PAFAH1B1: variants seen among roughly 807,000 people sequenced by gnomAD.
PAFAH1B1 encodes the protein platelet-activating factor acetylhydrolase IB subunit beta.
In PAFAH1B1, 2 loss-of-function variants were observed where a neutral mutation model predicts 57.5. The observed-to-expected ratio is 0.03, with a 90% CI of 0.01 to 0.11. The LOEUF (loss-of-function observed/expected upper bound fraction) is 0.11. PAFAH1B1 is among the 10% of genes least tolerant of loss of function. PAFAH1B1 has a pLI of 1.00. For missense variants in PAFAH1B1, 257 were observed against 512.0 expected (o/e 0.50, Z 4.81); for synonymous variants, 152 against 169.6 (o/e 0.90, Z 0.81).
chr17:2,596,643 C>G (rs1001153842), intron 1 of PAFAH1B1, among the ~76,000 whole-genome samples: 3 of 151,986 alleles, frequency 2.0e-5, no homozygotes, highest in African/African-American at 7.3e-5. Context: ...CACTTTTGTT[C>G]TTTTTAATAT....
intron 1 of PAFAH1B1, chr17:2,635,444 G>C (rs1172412177): frequency 6.6e-6 from 1 of 152,114 alleles, no homozygotes; most frequent in Non-Finnish European, 1.5e-5. Flanking sequence ...GTTCACTGCA[G>C]CCTTGACCTC....
chr17:2,594,938 C>T (rs867886623), intron 1 of PAFAH1B1, among the ~76,000 whole-genome samples: 7 of 152,254 alleles, frequency 4.6e-5, no homozygotes, highest in Middle Eastern at 6.8e-3. Flanking sequence ...AGAGGTTTTC[C>T]GTATTTAGTA....
At chr17:2,625,613 T>A (rs949059707) in intron 1 of PAFAH1B1, among the ~76,000 whole-genome samples, 3 of 152,186 alleles carry the variant, frequency 2.0e-5, no homozygotes, top group African/African-American at 4.8e-5. Flanking sequence ...CTTTAAAAAA[T>A]GTTTACTCCA....
intron 1 of PAFAH1B1, among the ~76,000 whole-genome samples, chr17:2,634,754 T>A (rs578090783): frequency 1.6e-4 from 24 of 152,332 alleles, no homozygotes; most frequent in African/African-American, 5.1e-4. Context: ...CCTGTTTGCT[T>A]GCTCAGCTTC....
At chr17:2,648,277 G>A (rs1344769765) in intron 2 of PAFAH1B1, among the ~76,000 whole-genome samples, 3 of 152,168 alleles carry the variant, frequency 2.0e-5, no homozygotes, top group Non-Finnish European at 2.9e-5. Context: ...CCCACCACAC[G>A]TGGGGATTAT....
intron 9 of PAFAH1B1, among the ~76,000 whole-genome samples, chr17:2,677,902 G>A (rs1417103784): frequency 6.6e-6 from 1 of 152,060 alleles, no homozygotes; most frequent in Admixed American, 6.6e-5. Flanking sequence ...CTCTCCTCTA[G>A]TAGTATTCTG....
At chr17:2,619,884 T>C (rs1383025803) in intron 1 of PAFAH1B1, among the ~76,000 whole-genome samples, 1 of 152,134 alleles carries the variant, frequency 6.6e-6, no homozygotes, top group Non-Finnish European at 1.5e-5. Context: ...GGCCCAGATA[T>C]TCTCCTGCTT....
intron 1 of PAFAH1B1, among the ~76,000 whole-genome samples, chr17:2,597,840 T>G (rs2068101593): frequency 6.6e-6 from 1 of 152,242 alleles, no homozygotes; most frequent in African/African-American, 2.4e-5. Context: ...ATGGCTTATA[T>G]TTTAAGTATC....
intron 8 of PAFAH1B1, among the ~76,000 whole-genome samples, chr17:2,675,368 G>C (rs1346301831): frequency 3.7e-4 from 56 of 152,102 alleles, no homozygotes. Context: ...ATAAACAAAG[G>C]AGGCAGTTTC....
chr17:2,602,908 G>C lies in PAFAH1B1; in HGVS notation c.-191+8902G>C, dbSNP rs139901456. Among the ~76,000 whole-genome samples the C allele has an allele frequency of 6.1e-3, 924 of 152,370 alleles. 36 individuals carry two copies. Among genetic ancestry groups the C allele is most frequent in the Admixed American group, 0.043 (665 of 15,298 alleles). The stretch of plus-strand genomic sequence containing the variant: ...GAACCTCAGGTACTGAGGCTCCACA[G>C]TTGGGGCTTTCAGCCACCGTACTGT... On this transcript the variant is annotated intron_variant, in intron 1 of 10. Transcript: ENST00000397195.
chr17:2,594,865 A>T (rs1431807013), intron 1 of PAFAH1B1, among the ~76,000 whole-genome samples: 1 of 152,216 alleles, frequency 6.6e-6, no homozygotes, highest in Non-Finnish European at 1.5e-5. Flanking sequence ...CCACATGAGA[A>T]AATGCCTTTG....
intron 5 of PAFAH1B1, among the ~76,000 whole-genome samples, chr17:2,669,888 G>A (rs1002969109): frequency 6.6e-6 from 1 of 151,876 alleles, no homozygotes; most frequent in Non-Finnish European, 1.5e-5. Flanking sequence ...TATGTCTTGT[G>A]ACTTTATATA....
rs80050712 is a variant in PAFAH1B1, at chr17:2,613,435, T to C, written c.-191+19429T>C. On this transcript the variant is annotated intron_variant, in intron 1 of 10. Coordinates refer to ENST00000397195, the MANE Select transcript of PAFAH1B1 (RefSeq NM_000430.4). The stretch of plus-strand genomic sequence containing the variant: ...AGGGCTGCTGCTCTCCTGTGCTGAG[T>C]TCCCTCTCTGGGGCCCGCAGTGTTG... 1,939 of 242,800 alleles carry C rather than the reference T, an allele frequency of 8.0e-3. 50 individuals are homozygous for C. Among genetic ancestry groups the C allele is most frequent in the African/African-American group, 0.042 (1,849 of 43,898 alleles). The allele number at this position is 242,800 out of a possible 1,614,324, so 15.0% of individuals were successfully genotyped here.
rs778417468 is a variant in PAFAH1B1 at position 2,680,335 on chromosome 17, C to A, written c.1159+15C>A. ...TACCTCCTTGGGTATGTACGCCTCG[C>A]GAGGTCTCTGAACATTAGATTTTGG... On this transcript the variant is annotated intron_variant, in intron 10 of 10. Transcript: ENST00000397195. 8 of 1,611,588 alleles carry A rather than the reference C, an allele frequency of 5.0e-6. No homozygotes were observed. In the East Asian group the frequency reaches 1.8e-4, roughly 36 times the overall value.
Position 2,593,735 on chromosome 17 carries a change from G to A in PAFAH1B1, c.-462G>A. The stretch of plus-strand genomic sequence containing the variant: ...AGCGAGCGGAGGAGCAGCGACACGG[G>A]AGTCTAGGGAGCGAGAAGGAGAAGG... On this transcript the variant is annotated 5_prime_UTR_variant, in exon 1 of 11. Transcript: ENST00000397195. 2 of 367,860 alleles carry A rather than the reference G, an allele frequency of 5.4e-6. No individual in the cohort carries two copies. The highest frequency in any genetic ancestry group is 9.7e-6 in the Non-Finnish European group (2 of 206,874). The allele number at this position is 367,860 out of a possible 1,614,324, so 22.8% of individuals were successfully genotyped here. A position where few individuals can be genotyped will look rare whatever the true frequency, so the allele number is the denominator to read the frequency against.
At chr17:2,634,947 G>C (rs1221273211) in intron 1 of PAFAH1B1, among the ~76,000 whole-genome samples, 1 of 152,172 alleles carries the variant, frequency 6.6e-6, no homozygotes, top group Non-Finnish European at 1.5e-5. Context: ...CGGATCACTT[G>C]AAGTCAGGAG....
chr17:2,669,392 G>A (rs2069149919), intron 5 of PAFAH1B1, among the ~76,000 whole-genome samples: 1 of 151,694 alleles, frequency 6.6e-6, no homozygotes, highest in Admixed American at 6.6e-5. Context: ...CTCCCGAGTA[G>A]CCGGGAGTAC....
intron 10 of PAFAH1B1, chr17:2,680,826 G>T: frequency 5.2e-6 from 1 of 191,986 alleles, no homozygotes; most frequent in Non-Finnish European, 1.1e-5. Flanking sequence ...GCGTAAGGTG[G>T]GCTAATACCT....
At chr17:2,667,825 ATAT>A (rs1239582955) in intron 5 of PAFAH1B1, among the ~76,000 whole-genome samples, 1 of 151,888 alleles carries the variant, frequency 6.6e-6, no homozygotes. Flanking sequence ...CACAGTAAAA[ATAT>A]TATTACCTTT....
Sources: allele counts gnomAD v4.1 joint callset (sites outside exome capture counted in the v4.1 genomes callset), GRCh38; gene constraint gnomAD v4.1.1; transcripts MANE v1.5; gene names NCBI Gene and HGNC (gene_info 2026-07-23, HGNC 2026-07-21).